ID4: variants seen among roughly 807,000 people sequenced by gnomAD.
The protein encoded by ID4 is DNA-binding protein inhibitor ID-4.
In ID4, 9 loss-of-function variants were observed where a neutral mutation model predicts 8.6. The observed-to-expected ratio is 1.04, with a 90% CI of 0.63 to 1.82. The LOEUF is 1.82. Among genes scored for constraint, ID4 ranks in the 40% most tolerant of loss-of-function variants. The probability of loss-of-function intolerance (pLI) is 0.00; values close to 1 mark genes in which losing one functional copy is unlikely to be tolerated. For missense variants in ID4, 270 were observed against 235.1 expected (o/e 1.15, Z -0.97); for synonymous variants, 180 against 118.0 (o/e 1.53, Z -3.41).
chr6:19,842,027 G>GA lies in ID4; in HGVS notation c.*2840dup, dbSNP rs569701264. ...CTCAGACATCTCAATGTTAAAGGAAGAAAAAAAATACCTTTTCATTTCAAA... is the reference window on the plus strand; with the variant it reads ...CTCAGACATCTCAATGTTAAAGGAAGAAAAAAAAATACCTTTTCATTTCAAA... On this transcript the variant is annotated 3_prime_UTR_variant, in exon 3 of 3. Coordinates refer to ENST00000378700, the MANE Select transcript of ID4 (RefSeq NM_001546.4). Among the ~76,000 whole-genome samples, 52 of 151,846 alleles carry GA rather than the reference G, an allele frequency of 3.4e-4. No homozygotes were observed. The East Asian group carries it at 9.7e-3, about 28-fold the overall frequency.
chr6:19,838,782 C>T (rs373434011), intron 2 of ID4, 140 bp downstream of exon 2: 82 of 672,934 alleles, frequency 1.2e-4, no homozygotes, highest in Middle Eastern at 7.7e-4. Context: ...CCCCTCTCTC[C>T]CTGCCACCTA....
Position 19,837,991 on chromosome 6 carries a change from G to A in ID4, c.237G>A (p.Val79=), listed in dbSNP as rs1561853126. The change falls in exon 1 of 3, where the codon GTG becomes GTA. Residue 79 remains valine, a synonymous_variant. Transcript: ENST00000378700. ...NDCYSRLRRL[V]PTIPPNKKVS... ...GCTATAGCCGCCTGCGGAGGCTGGT[G>A]CCCACCATCCCGCCCAACAAGAAAG... 1.3e-6 allele frequency: 2 copies of A among 1,597,394 alleles called. No individual in the cohort carries two copies. The highest frequency in any genetic ancestry group is 1.7e-5 in the Admixed American group (1 of 58,218).
chr6:19,837,943 C>T lies in ID4; in HGVS notation c.189C>T (p.Cys63=), dbSNP rs752395484. ...CGGCGGCCGACGAGCCGGCGCTGTG[C>T]CTGCAGTGCGATATGAACGACTGCT... is the stretch of plus-strand genomic sequence containing the variant. ...AEAAADEPAL[C]LQCDMNDCYS... The change falls in exon 1 of 3, where the codon TGC becomes TGT. Residue 63 remains cysteine (C), a synonymous_variant. Transcript: ENST00000378700. 171 of 1,513,582 alleles carry T rather than the reference C, an allele frequency of 1.1e-4. 1 individual carries two copies. The highest frequency in any genetic ancestry group is 2.4e-4 in the South Asian group (19 of 79,860). 93.8% of individuals were successfully genotyped at this position (1,513,582 alleles called of 1,614,324 possible). A position where few individuals can be genotyped will look rare whatever the true frequency, so the allele number is the denominator to read the frequency against.
In ID4 at chr6:19,838,124, C is replaced by T; in HGVS notation, c.370C>T (p.Pro124Ser). ...LLRQPPPPAPPHHPAGTCPAA... is the reference protein window; with the variant it reads ...LLRQPPPPAPSHHPAGTCPAA... ...GAGGCAGCCACCACCGCCCGCGCCGCCACACCACCCGGCCGGGACCTGTCC... is the reference window on the plus strand; with the variant it reads ...GAGGCAGCCACCACCGCCCGCGCCGTCACACCACCCGGCCGGGACCTGTCC... Residue 124 changes from proline to serine, a missense_variant, in exon 1 of 3, where the codon CCA (proline) becomes TCA (serine). Around this residue, in one of 3 missense-constraint regions of ID4, gnomAD observed 107 missense variants for 81.0 expected, o/e 1.32. Transcript: ENST00000378700. The T allele has an allele frequency of 1.3e-6, 2 of 1,581,990 alleles. No individual in the cohort carries two copies. The highest frequency in any genetic ancestry group is 1.1e-5 in the South Asian group (1 of 87,066).
Position 19,841,788 on chromosome 6 carries a change from TAAC to T in ID4, c.*2596_*2598del, listed in dbSNP as rs1455229563. Reference sequence around the variant, plus strand: ...GCTATGTCCTAACCAGGCAACCAGATAACAAAAACATTTTGAGTCTTTTATCTA... The same window carrying T: ...GCTATGTCCTAACCAGGCAACCAGATAAAAACATTTTGAGTCTTTTATCTA... On this transcript the variant is annotated 3_prime_UTR_variant, in exon 3 of 3. Coordinates refer to ENST00000378700, the MANE Select transcript of ID4 (RefSeq NM_001546.4). 6.6e-6 allele frequency among the ~76,000 whole-genome samples: 1 copy of T among 152,180 alleles called. No individual in the cohort carries two copies. Among genetic ancestry groups the T allele is most frequent in the African/African-American group, 2.4e-5 (1 of 41,452 alleles).
Position 19,837,723 on chromosome 6 carries a change from G to A in ID4, c.-32G>A. The A allele has an allele frequency of 5.4e-6, 6 of 1,109,930 alleles. No homozygotes were observed. The highest frequency in any genetic ancestry group is 6.6e-6 in the Non-Finnish European group (6 of 909,510). The allele number at this position is 1,109,930 out of a possible 1,614,324, so 68.8% of individuals were successfully genotyped here. On this transcript the variant is annotated 5_prime_UTR_variant, in exon 1 of 3. Coordinates refer to ENST00000378700, the MANE Select transcript of ID4 (RefSeq NM_001546.4). ...CCTGCCTCCCTCGCTCGCCCCAGCGGGTTCGCTCGCGTAGAGCGCAGGGCG... is the reference window on the plus strand; with the variant it reads ...CCTGCCTCCCTCGCTCGCCCCAGCGAGTTCGCTCGCGTAGAGCGCAGGGCG...
At position 19,840,806 on chromosome 6, in the gene ID4, T is replaced by C. The variant is rs374423203; in HGVS notation, c.*1611T>C. Reference sequence around the variant, plus strand: ...TAGGACTATCAGGGTTTGTGAACATTATGCATTTAATGTTATGGGTACTTT... The same window carrying C: ...TAGGACTATCAGGGTTTGTGAACATCATGCATTTAATGTTATGGGTACTTT... On this transcript the variant is annotated 3_prime_UTR_variant, in exon 3 of 3. Transcript: ENST00000378700. 6.6e-6 allele frequency: 1 copy of C among 152,154 alleles called. No homozygotes were observed. Among genetic ancestry groups the C allele is most frequent in the Non-Finnish European group, 1.5e-5 (1 of 68,002 alleles). 9.4% of individuals were successfully genotyped at this position (152,154 alleles called of 1,614,324 possible). A position where few individuals can be genotyped will look rare whatever the true frequency, so the allele number is the denominator to read the frequency against.
intron 2 of ID4, 93 bp downstream of exon 2, chr6:19,838,735 C>A (rs906788118): frequency 1.8e-6 from 2 of 1,137,876 alleles, no homozygotes; most frequent in Non-Finnish European, 2.6e-6. Flanking sequence ...TTCTTTGCCC[C>A]CAGCGTTTCT....
rs12662234 is a variant in ID4 at position 19,837,738 on chromosome 6, A to C, written c.-17A>C. ...CGCCCCAGCGGGTTCGCTCGCGTAG[A>C]GCGCAGGGCGCGCGCGATGAAGGCG... On this transcript the variant is annotated 5_prime_UTR_variant, in exon 1 of 3. Coordinates refer to ENST00000378700, the MANE Select transcript of ID4 (RefSeq NM_001546.4). 2.7e-6 allele frequency: 3 copies of C among 1,121,558 alleles called. No homozygotes were observed. The African/African-American group carries it at 5.0e-5, about 19-fold the overall frequency. 69.5% of individuals were successfully genotyped at this position (1,121,558 alleles called of 1,614,324 possible).
intron 1 of ID4, among the ~76,000 whole-genome samples, 157 bp downstream of exon 1, chr6:19,838,352 C>T (rs1761274777): frequency 6.6e-6 from 1 of 152,060 alleles, no homozygotes; most frequent in Non-Finnish European, 1.5e-5. Flanking sequence ...GGGCCGCCAG[C>T]AGCCGGCCGG....
rs1761347873 is a variant in ID4, at chr6:19,840,882, AT to A, written c.*1689del. Among the ~76,000 whole-genome samples, 1 of 152,204 alleles carries A rather than the reference AT, an allele frequency of 6.6e-6. No individual in the cohort carries two copies. The highest frequency in any genetic ancestry group is 6.5e-5 in the Admixed American group (1 of 15,278). On this transcript the variant is annotated 3_prime_UTR_variant, in exon 3 of 3. Transcript: ENST00000378700. ...GAGTGAAAGAATTAAGTAGGATTTA[AT>A]TGGGTGCTTTGTAAATAGTCAACTG...
chr6:19,838,460 C>T (rs1272723809), intron 1 of ID4, 124 bp from the exon 2 acceptor site: 7 of 1,351,454 alleles, frequency 5.2e-6, no homozygotes, highest in Non-Finnish European at 7.3e-6. Flanking sequence ...AGGGGCCCCC[C>T]CGGCTACAGG....
chr6:19,838,420 C>G (rs997530419), intron 1 of ID4, among the ~76,000 whole-genome samples, 164 bp from the exon 2 acceptor site: 4 of 152,142 alleles, frequency 2.6e-5, no homozygotes, highest in Non-Finnish European at 5.9e-5. Flanking sequence ...CTGTGGGCGC[C>G]CTGGGCTGTC....
In ID4 at chr6:19,839,813, T is replaced by C. The variant is rs1392520541; in HGVS notation, c.*618T>C. 6.6e-6 allele frequency: 1 copy of C among 152,026 alleles called. No individual in the cohort carries two copies. Among genetic ancestry groups the C allele is most frequent in the African/African-American group, 2.4e-5 (1 of 41,498 alleles). 9.4% of individuals were successfully genotyped at this position (152,026 alleles called of 1,614,324 possible). The stretch of plus-strand genomic sequence containing the variant: ...ATTATAAGATATTTTTAATTAAATA[T>C]TTTTTTGTAAATATTATGTGTGTGT... On this transcript the variant is annotated 3_prime_UTR_variant, in exon 3 of 3. Transcript: ENST00000378700.
chr6:19,838,660 G>C lies in ID4; in HGVS notation c.*14+18G>C, dbSNP rs777348800. 12 of 1,609,866 alleles carry C rather than the reference G, an allele frequency of 7.5e-6. No individual in the cohort carries two copies. The highest frequency in any genetic ancestry group is 1.0e-5 in the Non-Finnish European group (12 of 1,177,304). ...CTGTCCAGGTGAGCGCGCATTTCCCGTCTCGGGTGGCCGGTCACCAGAGAC... is the reference window on the plus strand; with the variant it reads ...CTGTCCAGGTGAGCGCGCATTTCCCCTCTCGGGTGGCCGGTCACCAGAGAC... On this transcript the variant is annotated intron_variant, in intron 2 of 2. Transcript: ENST00000378700.
Position 19,837,686 on chromosome 6 carries a change from G to C in ID4, c.-69G>C. On this transcript the variant is annotated 5_prime_UTR_variant, in exon 1 of 3. Coordinates refer to ENST00000378700, the MANE Select transcript of ID4 (RefSeq NM_001546.4). ...GGGAGCGGAGCCGGCCGCGGACGGG[G>C]CCCGGAGCTTGCCTGCCTCCCTCGC... The C allele has an allele frequency of 9.7e-7, 1 of 1,033,024 alleles. No individual in the cohort carries two copies. The highest frequency in any genetic ancestry group is 1.2e-6 in the Non-Finnish European group (1 of 851,478). The allele number at this position is 1,033,024 out of a possible 1,614,324, so 64.0% of individuals were successfully genotyped here.
Position 19,840,083 on chromosome 6 carries a change from CTTTGTA to C in ID4, c.*893_*898del, listed in dbSNP as rs1433380643. 2 of 152,442 alleles carry C rather than the reference CTTTGTA, an allele frequency of 1.3e-5. No homozygotes were observed. The highest frequency in any genetic ancestry group is 1.9e-4 in the East Asian group (1 of 5,180). 9.4% of individuals were successfully genotyped at this position (152,442 alleles called of 1,614,324 possible). A position where few individuals can be genotyped will look rare whatever the true frequency, so the allele number is the denominator to read the frequency against. On this transcript the variant is annotated 3_prime_UTR_variant, in exon 3 of 3. Transcript: ENST00000378700. ...TGTTTTTTTAAATGTAGATTGAAAT[CTTTGTA>C]TTTGAAGCATACATGTTGAAAATAC... is the stretch of plus-strand genomic sequence containing the variant.
rs1761352240 is a variant in ID4 at position 19,841,108 on chromosome 6, T to A, written c.*1913T>A. 6.6e-6 allele frequency among the ~76,000 whole-genome samples: 1 copy of A among 152,184 alleles called. No individual in the cohort carries two copies. Among genetic ancestry groups the A allele is most frequent in the Admixed American group, 6.5e-5 (1 of 15,274 alleles). The stretch of plus-strand genomic sequence containing the variant: ...AATGAACAAAACTAATGCTAGCAGG[T>A]TAAAATCAATCAAAATGTTTAAAAA... On this transcript the variant is annotated 3_prime_UTR_variant, in exon 3 of 3. Coordinates refer to ENST00000378700, the MANE Select transcript of ID4 (RefSeq NM_001546.4).
intron 2 of ID4, 80 bp downstream of exon 2, chr6:19,838,722 G>GTGTT: frequency 7.8e-7 from 1 of 1,280,522 alleles, no homozygotes; most frequent in African/African-American, 1.5e-5. Context: ...AGGCACCGCG[G>GTGTT]TGTTCTTTGC....
Sources: gnomAD v4.1 joint callset for allele counts (sites outside exome capture counted in the v4.1 genomes callset) on GRCh38, gnomAD v4.1.1 for gene constraint, gnomAD v4.1.1 regional missense constraint, MANE v1.5 for transcripts, NCBI Gene and HGNC (gene_info 2026-07-23, HGNC 2026-07-21) for gene names.